Variants in RFX6 observed in about 807,000 individuals in gnomAD.
RFX6 encodes the protein regulatory factor X6.
A neutral mutation model predicts 110.8 loss-of-function variants in RFX6; 50 were observed. The ratio of observed to expected loss-of-function variants is 0.45; its 90% confidence interval spans 0.36 to 0.57. The LOEUF is 0.57. Ranked by LOEUF, RFX6 falls within the 20% of genes least tolerant of loss-of-function variation. The probability of loss-of-function intolerance (pLI) is 0.00; values close to 1 mark genes in which losing one functional copy is unlikely to be tolerated. For synonymous variants in RFX6, 383 were observed against 411.2 expected (o/e 0.93, Z 0.83); for missense variants, 990 against 1,127.0 (o/e 0.88, Z 1.74).
intron 10 of RFX6, 166 bp downstream of exon 10, chr6:116,918,252 C>T: frequency 1.7e-6 from 1 of 588,280 alleles, no homozygotes; most frequent in South Asian, 2.2e-5. Flanking sequence ...AGCTGGGCCT[C>T]AATAAACAAA....
chr6:116,900,304 G>A (rs1775039092), intron 6 of RFX6, among the ~76,000 whole-genome samples: 1 of 151,924 alleles, frequency 6.6e-6, no homozygotes, highest in South Asian at 2.1e-4. Context: ...CACCCAGGTC[G>A]GAGTGCAGTG....
chr6:116,905,726 AT>A (rs1054246763), intron 6 of RFX6, among the ~76,000 whole-genome samples: 1 of 151,686 alleles, frequency 6.6e-6, no homozygotes, highest in African/African-American at 2.4e-5. Context: ...TAATTTTTGT[AT>A]TTTTAGTAGA....
chr6:116,923,444 G>C, intron 14 of RFX6: 1 of 545,550 alleles, frequency 1.8e-6, no homozygotes, highest in Non-Finnish European at 3.3e-6. Flanking sequence ...GGGCCAATCT[G>C]CTCATTGAAG....
At chr6:116,877,992 C>T (rs775625635) in intron 2 of RFX6, 40 bp downstream of exon 2, 1 of 1,582,016 alleles carries the variant, frequency 6.3e-7, no homozygotes, top group Non-Finnish European at 8.7e-7. Flanking sequence ...CACCTGTTGA[C>T]GTTTTAACAG....
intron 6 of RFX6, among the ~76,000 whole-genome samples, chr6:116,895,841 G>C (rs766595048): frequency 6.6e-6 from 1 of 152,184 alleles, no homozygotes; most frequent in Non-Finnish European, 1.5e-5. Flanking sequence ...GTGCTGCCAA[G>C]CTAAGGGCAC....
In RFX6 at chr6:116,882,569, G is replaced by GA. The variant is rs34335008; in HGVS notation, c.566+154dup. 51,588 of 449,060 alleles carry GA rather than the reference G, an allele frequency of 0.11. 2,589 individuals carry two copies. Among genetic ancestry groups the GA allele is most frequent in the African/African-American group, 0.31 (14,816 of 47,200 alleles). 27.8% of individuals were successfully genotyped at this position (449,060 alleles called of 1,614,324 possible). A position where few individuals can be genotyped will look rare whatever the true frequency, so the allele number is the denominator to read the frequency against. On this transcript the variant is annotated intron_variant, in intron 4 of 18. Transcript: ENST00000332958. ...CAGACTTTTATCAACTGTGAGAACT[G>GA]AAAAAAAAAAAAAGATTTTAGAATA...
At chr6:116,921,329 C>T (rs778187486) in intron 12 of RFX6, among the ~76,000 whole-genome samples, 15 of 152,064 alleles carry the variant, frequency 9.9e-5, no homozygotes, top group African/African-American at 3.6e-4. Flanking sequence ...CTCAATTCTG[C>T]TGAGAAGAAA....
At chr6:116,891,438 C>T (rs914245448) in intron 4 of RFX6, among the ~76,000 whole-genome samples, 2 of 152,162 alleles carry the variant, frequency 1.3e-5, no homozygotes, top group Non-Finnish European at 2.9e-5. Flanking sequence ...TTTAAGCCAA[C>T]GTTTAACATG....
intron 6 of RFX6, among the ~76,000 whole-genome samples, chr6:116,908,382 A>T (rs1358983443): frequency 6.6e-6 from 1 of 152,068 alleles, no homozygotes; most frequent in Non-Finnish European, 1.5e-5. Context: ...TGTTAACCAT[A>T]ATTTTTGTGT....
chr6:116,877,562 A>G (rs1774490040), intron 1 of RFX6, 64 bp downstream of exon 1: 2 of 1,219,582 alleles, frequency 1.6e-6, no homozygotes, highest in East Asian at 2.5e-5. Flanking sequence ...AAGGGCACCC[A>G]ATAATAATAA....
At chr6:116,892,401 G>A (rs1334472427) in intron 4 of RFX6, among the ~76,000 whole-genome samples, 3 of 152,200 alleles carry the variant, frequency 2.0e-5, no homozygotes, top group Admixed American at 6.5e-5. Context: ...GGTCCCTGGG[G>A]CCCTGGAATT....
intron 3 of RFX6, among the ~76,000 whole-genome samples, chr6:116,881,160 C>G (rs145048976): frequency 7.9e-5 from 12 of 152,132 alleles, no homozygotes; most frequent in African/African-American, 2.6e-4. Context: ...TTAGAATTCT[C>G]TCATTTAAAA....
chr6:116,896,639 C>T (rs574596024), intron 6 of RFX6, among the ~76,000 whole-genome samples: 2 of 151,952 alleles, frequency 1.3e-5, no homozygotes, highest in African/African-American at 2.4e-5. Context: ...CCTAGAGGCT[C>T]GGAGGTTGCA....
chr6:116,877,884 GTC>G lies in RFX6; in HGVS notation c.315_316del (p.Gln106GlufsTer11). 1 of 1,614,136 alleles carries G rather than the reference GTC, an allele frequency of 6.2e-7. No homozygotes were observed. Among genetic ancestry groups the G allele is most frequent in the Non-Finnish European group, 8.5e-7 (1 of 1,180,004 alleles). ...SKTKAADQYLSQKKTITQIVK... is the reference protein window; with the variant it reads ...SKTKAADQYLXQKKTITQIVK... Reference sequence around the variant, plus strand: ...AAACCAAAGCAGCGGATCAATACCTGTCTCAGAAGAAAACCATCACGCAGATT... The same window carrying G: ...AAACCAAAGCAGCGGATCAATACCTGTCAGAAGAAAACCATCACGCAGATT... On this transcript the variant is annotated frameshift_variant, in exon 2 of 19. Transcript: ENST00000332958. LOFTEE classifies it high-confidence loss of function.
chr6:116,915,079 A>C (rs1775434517), intron 7 of RFX6, among the ~76,000 whole-genome samples: 1 of 152,226 alleles, frequency 6.6e-6, no homozygotes, highest in Non-Finnish European at 1.5e-5. Context: ...TAGAGTACAT[A>C]ACTGGCAACA....
At chr6:116,929,859 C>G (rs1367503230) in intron 18 of RFX6, among the ~76,000 whole-genome samples, 1 of 152,166 alleles carries the variant, frequency 6.6e-6, no homozygotes, top group African/African-American at 2.4e-5. Context: ...AATTTCATCT[C>G]TCCTCACTCA....
rs757443771 is a variant in RFX6 at position 116,919,313 on chromosome 6, G to A, written c.1182+17G>A. The stretch of plus-strand genomic sequence containing the variant: ...CTTGCCCAGGTATGTTGGTTGCTAA[G>A]TCGAGAGCATTTGAGTCACCATATA... On this transcript the variant is annotated intron_variant, in intron 11 of 18. Coordinates refer to ENST00000332958, the MANE Select transcript of RFX6 (RefSeq NM_173560.4). The A allele has an allele frequency of 6.2e-7, 1 of 1,608,554 alleles. No individual in the cohort carries two copies. Among genetic ancestry groups the A allele is most frequent in the Non-Finnish European group, 8.5e-7 (1 of 1,175,236 alleles).
intron 13 of RFX6, among the ~76,000 whole-genome samples, chr6:116,922,793 A>G (rs1582535480): frequency 6.6e-6 from 1 of 152,078 alleles, no homozygotes; most frequent in East Asian, 1.9e-4. Flanking sequence ...CTTCCTTCAC[A>G]CCTCACCTTC....
chr6:116,894,462 G>T (rs1343868171), intron 5 of RFX6, among the ~76,000 whole-genome samples: 1 of 152,078 alleles, frequency 6.6e-6, no homozygotes, highest in Non-Finnish European at 1.5e-5. Context: ...ACCTTACCAA[G>T]ATAGAAAGTT....
Sources: allele counts gnomAD v4.1 joint callset (sites outside exome capture counted in the v4.1 genomes callset), GRCh38; gene constraint gnomAD v4.1.1; transcripts MANE v1.5; gene names NCBI Gene and HGNC (gene_info 2026-07-23, HGNC 2026-07-21).